Variants in HHAT observed in about 807,000 individuals in gnomAD.
HHAT encodes protein-cysteine N-palmitoyltransferase HHAT.
Under a neutral mutation model 70.8 loss-of-function variants are expected in HHAT, and 47 were observed. That is an observed-to-expected ratio of 0.66 (90% CI 0.53 to 0.85). The LOEUF is 0.85. HHAT is among the 40% of genes least tolerant of loss of function. The pLI, the probability that HHAT is intolerant of heterozygous loss-of-function variation, is 0.00. For synonymous variants in HHAT, 228 were observed against 247.6 expected (o/e 0.92, Z 0.74); for missense variants, 609 against 604.8 (o/e 1.01, Z -0.07).
At chr1:210,394,867 A>G (rs1303594235) in intron 4 of HHAT, among the ~76,000 whole-genome samples, 10 of 152,146 alleles carry the variant, frequency 6.6e-5, no homozygotes, top group African/African-American at 2.4e-4. Context: ...CCATCAGTGC[A>G]TGTCTAAGGA....
At position 210,379,814 on chromosome 1, in the gene HHAT, T is replaced by C. The variant is rs368104005; in HGVS notation, c.160-7654T>C. Among the ~76,000 whole-genome samples, 5 of 152,224 alleles carry C rather than the reference T, an allele frequency of 3.3e-5. No individual in the cohort carries two copies. The East Asian group carries it at 9.6e-4, about 29-fold the overall frequency. On this transcript the variant is annotated intron_variant, in intron 3 of 11. Transcript: ENST00000261458. ...CAAGTGTTCTCCATACTTTAGTTTA[T>C]GTGTTTCTTATAAATATGAAATGGG...
intron 11 of HHAT, among the ~76,000 whole-genome samples, chr1:210,638,742 A>AAAAAAC: frequency 1.4e-5 from 2 of 147,776 alleles, no homozygotes; most frequent in African/African-American, 2.5e-5. Flanking sequence ...AAAAAAAAAA[A>AAAAAAC]AAAATTCTTT....
At chr1:210,671,328 T>C (rs1452889347) in intron 11 of HHAT, among the ~76,000 whole-genome samples, 3 of 152,076 alleles carry the variant, frequency 2.0e-5, no homozygotes, top group Non-Finnish European at 4.4e-5. Flanking sequence ...GAGGAGCAGG[T>C]GTTGGCCGGT....
At chr1:210,605,604 A>C (rs1054630429) in intron 10 of HHAT, among the ~76,000 whole-genome samples, 48 of 152,254 alleles carry the variant, frequency 3.2e-4, no homozygotes, top group Non-Finnish European at 5.1e-4. Context: ...GTAGCCTTAT[A>C]GGCGTGTATT....
chr1:210,415,459 C>T (rs914870510), intron 6 of HHAT, among the ~76,000 whole-genome samples: 1 of 152,170 alleles, frequency 6.6e-6, no homozygotes, highest in Non-Finnish European at 1.5e-5. Context: ...CTGATCAATA[C>T]AAGTCTGCAA....
At chr1:210,469,002 G>A (rs1296411932) in intron 8 of HHAT, among the ~76,000 whole-genome samples, 1 of 152,128 alleles carries the variant, frequency 6.6e-6, no homozygotes, top group Non-Finnish European at 1.5e-5. Flanking sequence ...GGGGTGCTAT[G>A]AGGATTGAGC....
intron 9 of HHAT, among the ~76,000 whole-genome samples, chr1:210,553,968 G>T: frequency 6.6e-6 from 1 of 152,094 alleles, no homozygotes; most frequent in East Asian, 1.9e-4. Flanking sequence ...TTCATCACTG[G>T]GATCTGTATT....
chr1:210,420,122 T>C (rs1300112056), intron 7 of HHAT, among the ~76,000 whole-genome samples: 1 of 152,236 alleles, frequency 6.6e-6, no homozygotes, highest in African/African-American at 2.4e-5. Flanking sequence ...TATTACCCTC[T>C]CTGAAAAGAT....
intron 1 of HHAT, among the ~76,000 whole-genome samples, chr1:210,334,178 A>ATTTT (rs3033354): frequency 0.11 from 11,398 of 99,696 alleles, 2,745 homozygotes; most frequent in African/African-American, 0.16. Flanking sequence ...TTAGCGTGTC[A>ATTTT]TTTTTTTTTT....
intron 9 of HHAT, among the ~76,000 whole-genome samples, chr1:210,557,140 C>T (rs1425228292): frequency 6.6e-6 from 1 of 152,148 alleles, no homozygotes; most frequent in Non-Finnish European, 1.5e-5. Context: ...AGGAGGGAGA[C>T]AGAATGTGGC....
Position 210,382,949 on chromosome 1 carries a change from TTAC to T in HHAT, c.160-4516_160-4514del, listed in dbSNP as rs149878804. Among the ~76,000 whole-genome samples, 599 of 152,308 alleles carry T rather than the reference TTAC, an allele frequency of 3.9e-3. 2 individuals are homozygous for T. Among genetic ancestry groups the T allele is most frequent in the African/African-American group, 0.014 (567 of 41,558 alleles). On this transcript the variant is annotated intron_variant, in intron 3 of 11. Transcript: ENST00000261458. ...TAGGTTTGAAACCCGGCTCTGCCCC[TTAC>T]TAGGTTTGGATAAATAATCTGCTTT...
intron 9 of HHAT, among the ~76,000 whole-genome samples, chr1:210,587,576 T>C (rs375439308): frequency 1.3e-5 from 2 of 152,226 alleles, no homozygotes; most frequent in Non-Finnish European, 2.9e-5. Flanking sequence ...CATTCTGTGA[T>C]TGGATTTCCA....
chr1:210,565,654 C>T (rs188297410), intron 9 of HHAT, among the ~76,000 whole-genome samples: 50 of 152,228 alleles, frequency 3.3e-4, no homozygotes, highest in Admixed American at 1.6e-3. Flanking sequence ...GAATCTGTAG[C>T]AGGCAAAAGC....
At chr1:210,511,723 G>A (rs74528384) in intron 8 of HHAT, among the ~76,000 whole-genome samples, 1,705 of 150,650 alleles carry the variant, frequency 0.011, 29 homozygotes, top group African/African-American at 0.039. Context: ...CCCGTTAGGT[G>A]TTGGGAGCAG....
rs150829967 is a variant in HHAT at position 210,404,685 on chromosome 1, G to C, written c.684+6G>C. 1,635 of 1,607,490 alleles carry C rather than the reference G, an allele frequency of 1.0e-3. 16 individuals carry two copies. The African/African-American group carries it at 0.019, about 19-fold the overall frequency. ...TCTCGGAGTTCATCAAACAGGTAGA[G>C]CCCGCTGGGGATGGGATTGGGATTC... On this transcript the variant is annotated splice_donor_region_variant and intron_variant, in intron 6 of 11. Transcript: ENST00000261458.
At chr1:210,453,212 C>T (rs151292448) in intron 7 of HHAT, among the ~76,000 whole-genome samples, 1 of 152,162 alleles carries the variant, frequency 6.6e-6, no homozygotes, top group South Asian at 2.1e-4. Context: ...TTCTTTTTCC[C>T]CTCTTTTGAG....
chr1:210,653,722 A>C lies in HHAT; in HGVS notation c.1391-20566A>C, dbSNP rs189579594. Among the ~76,000 whole-genome samples the C allele has an allele frequency of 3.9e-3, 598 of 152,246 alleles. 5 individuals are homozygous for C. The highest frequency in any genetic ancestry group is 0.023 in the South Asian group (109 of 4,824). ...TTTGGTACCTTTTGTATTTTATATT[A>C]TGCATTATCTGGTCAAAAAGAGATT... On this transcript the variant is annotated intron_variant, in intron 11 of 11. Transcript: ENST00000261458.
intron 2 of HHAT, among the ~76,000 whole-genome samples, chr1:210,353,329 A>G (rs17016011): frequency 0.018 from 2,743 of 152,242 alleles, 79 homozygotes; most frequent in African/African-American, 0.063. Context: ...TCTGCCTAAA[A>G]GGATGCCATA....
At chr1:210,660,140 A>T (rs993736637) in intron 11 of HHAT, among the ~76,000 whole-genome samples, 3 of 152,174 alleles carry the variant, frequency 2.0e-5, no homozygotes, top group Non-Finnish European at 4.4e-5. Flanking sequence ...TGTTTGCAGA[A>T]GACATGATTG....
Sources: gnomAD v4.1 joint callset for allele counts (sites outside exome capture counted in the v4.1 genomes callset) on GRCh38, gnomAD v4.1.1 for gene constraint, MANE v1.5 for transcripts, NCBI Gene and HGNC (gene_info 2026-07-23, HGNC 2026-07-21) for gene names.